NCOA3: variants seen among roughly 807,000 people sequenced by gnomAD.
The protein encoded by NCOA3 is CBP-interacting protein.
In NCOA3, 51 loss-of-function variants were observed where a neutral mutation model predicts 158.8. The ratio of observed to expected loss-of-function variants is 0.32; its 90% CI spans 0.26 to 0.41. The LOEUF (loss-of-function observed/expected upper bound fraction) is 0.41. NCOA3 is among the 10% of genes least tolerant of loss of function. NCOA3 has a pLI of 1.00. For missense variants in NCOA3, 1,510 were observed against 1,746.6 expected (o/e 0.86, Z 2.41); for synonymous variants, 537 against 592.4 (o/e 0.91, Z 1.36).
chr20:47,552,488 C>T lies in NCOA3; in HGVS notation c.-98-30695C>T, dbSNP rs72661201. 5.5e-4 allele frequency among the ~76,000 whole-genome samples: 84 copies of T among 152,194 alleles called. No individual in the cohort carries two copies. In the East Asian group the frequency reaches 0.014, roughly 26 times the overall value. ...TTTTGGTAAACTTAGCTTGAAGTTG[C>T]CAGTTGCTGAAGCCCTTGTCCATAT... On this transcript the variant is annotated intron_variant, in intron 1 of 22. Transcript: ENST00000371998.
intron 1 of NCOA3, among the ~76,000 whole-genome samples, chr20:47,558,504 A>G (rs2085048936): frequency 6.6e-6 from 1 of 152,086 alleles, no homozygotes. Context: ...AGAGGTGAGG[A>G]TTAAAACATG....
At chr20:47,529,592 T>C (rs534599638) in intron 1 of NCOA3, among the ~76,000 whole-genome samples, 7 of 152,158 alleles carry the variant, frequency 4.6e-5, no homozygotes, top group Non-Finnish European at 8.8e-5. Flanking sequence ...TTTGTATTTT[T>C]AGTAGAGGTG....
intron 8 of NCOA3, chr20:47,628,717 T>G (rs1400289189): frequency 6.6e-6 from 1 of 152,074 alleles, no homozygotes; most frequent in African/African-American, 2.4e-5. Context: ...TGGCCGGGAG[T>G]AATTCTTGAC....
Position 47,636,161 on chromosome 20 carries a change from A to G in NCOA3, c.1775A>G (p.His592Arg). 3 of 1,614,224 alleles carry G rather than the reference A, an allele frequency of 1.9e-6. No homozygotes were observed. The highest frequency in any genetic ancestry group is 2.5e-6 in the Non-Finnish European group (3 of 1,180,036). ...SSMCQSNSRD[H>R]LSDKESKESS... ...ATGTGTCAGTCAAATAGCAGAGATC[A>G]CCTCAGTGACAAAGAAAGTAAGGAG... The change falls in exon 12 of 23, where the codon CAC (histidine) becomes CGC (arginine). Residue 592 changes from histidine to arginine, a missense_variant. Physicochemically the swap from His to Arg is conservative, Grantham distance 29. This residue lies in a region of NCOA3 where 1,017 missense variants were observed against 1,098.3 expected (regional missense o/e 0.93). Transcript: ENST00000371998.
chr20:47,530,673 C>G (rs2084530946), intron 1 of NCOA3, among the ~76,000 whole-genome samples: 1 of 152,086 alleles, frequency 6.6e-6, no homozygotes, highest in Non-Finnish European at 1.5e-5. Context: ...CCATGTTGGT[C>G]AGGCTGGTCT....
At chr20:47,633,762 C>T (rs999872959) in intron 9 of NCOA3, 126 bp downstream of exon 9, 1 of 1,083,942 alleles carries the variant, frequency 9.2e-7, no homozygotes, top group Admixed American at 2.6e-5. Flanking sequence ...TTCTGAGTAG[C>T]CAAGACTGCA....
chr20:47,597,883 C>T (rs903007338), intron 2 of NCOA3, among the ~76,000 whole-genome samples: 4 of 151,916 alleles, frequency 2.6e-5, no homozygotes, highest in African/African-American at 7.3e-5. Context: ...CATTAGAGCC[C>T]GTTAACATAT....
intron 1 of NCOA3, among the ~76,000 whole-genome samples, chr20:47,544,105 C>T (rs73125812): frequency 0.035 from 5,288 of 152,144 alleles, 137 homozygotes; most frequent in South Asian, 0.091. Flanking sequence ...AAAACTAAGG[C>T]TAACACTGGT....
At chr20:47,602,918 G>A (rs1568717820) in intron 2 of NCOA3, among the ~76,000 whole-genome samples, 1 of 151,640 alleles carries the variant, frequency 6.6e-6, no homozygotes, top group African/African-American at 2.4e-5. Flanking sequence ...ATAGTGAAGG[G>A]TTTTTTTTAG....
chr20:47,534,564 T>G (rs531929222), intron 1 of NCOA3, among the ~76,000 whole-genome samples: 1 of 152,282 alleles, frequency 6.6e-6, no homozygotes, highest in South Asian at 2.1e-4. Flanking sequence ...AAGAATAAGA[T>G]ATGAAAAAAC....
At chr20:47,546,039 CCT>C (rs996320582) in intron 1 of NCOA3, among the ~76,000 whole-genome samples, 2 of 152,124 alleles carry the variant, frequency 1.3e-5, no homozygotes, top group Non-Finnish European at 2.9e-5. Flanking sequence ...GTGAGATAAA[CCT>C]CTCTTTTGTT....
intron 1 of NCOA3, among the ~76,000 whole-genome samples, chr20:47,519,002 G>T (rs781591731): frequency 4.0e-5 from 6 of 151,790 alleles, no homozygotes; most frequent in Non-Finnish European, 8.8e-5. Context: ...TGGGCGTGGT[G>T]ACGGGCACCT....
intron 12 of NCOA3, 88 bp from the exon 13 acceptor site, chr20:47,637,560 A>G (rs549174936): frequency 2.9e-4 from 317 of 1,108,014 alleles, no homozygotes; most frequent in Non-Finnish European, 3.6e-4. Flanking sequence ...ACTTGCTTCT[A>G]TTTCATGTAT....
chr20:47,525,682 T>C (rs1602345828), intron 1 of NCOA3, among the ~76,000 whole-genome samples: 1 of 116,694 alleles, frequency 8.6e-6, no homozygotes, highest in Admixed American at 8.3e-5. Context: ...CCCACCTCCC[T>C]CCCGGACGGG....
At chr20:47,503,596 A>G (rs2146035341) in intron 1 of NCOA3, among the ~76,000 whole-genome samples, 1 of 152,314 alleles carries the variant, frequency 6.6e-6, no homozygotes, top group South Asian at 2.1e-4. Flanking sequence ...AACAGAAGAA[A>G]CAGAAAATGT....
chr20:47,642,265 G>C lies in NCOA3; in HGVS notation c.3133G>C (p.Glu1045Gln), dbSNP rs1481522115. The change falls in exon 17 of 23, where the codon GAA becomes CAA. Residue 1045 changes from glutamate to glutamine, a missense_variant. Physicochemically the swap from Glu to Gln is conservative, Grantham distance 29. This residue lies in a region of NCOA3 where 1,017 missense variants were observed against 1,098.3 expected (regional missense o/e 0.93). Coordinates refer to ENST00000371998, the MANE Select transcript of NCOA3 (RefSeq NM_181659.3). ...DDLVGPPSNL[E>Q]GQSDERALLD... The stretch of plus-strand genomic sequence containing the variant: ...TCTTGTTGGGCCACCTTCCAACCTG[G>C]AAGGCCAGAGTGACGAAAGAGCATT... 2.5e-6 allele frequency: 4 copies of C among 1,610,798 alleles called. No homozygotes were observed. Among genetic ancestry groups the C allele is most frequent in the African/African-American group, 1.3e-5 (1 of 74,680 alleles).
At chr20:47,557,256 C>T (rs542024442) in intron 1 of NCOA3, among the ~76,000 whole-genome samples, 2 of 152,256 alleles carry the variant, frequency 1.3e-5, no homozygotes, top group Non-Finnish European at 2.9e-5. Flanking sequence ...AACAGTAACA[C>T]CTACTTTTTT....
intron 1 of NCOA3, among the ~76,000 whole-genome samples, chr20:47,576,484 C>CA (rs2085373923): frequency 6.6e-6 from 1 of 152,104 alleles, no homozygotes; most frequent in South Asian, 2.1e-4. Context: ...TAAAGAAACT[C>CA]AGATTTCAAG....
intron 3 of NCOA3, among the ~76,000 whole-genome samples, chr20:47,622,792 G>A (rs1037002633): frequency 3.3e-5 from 5 of 152,142 alleles, no homozygotes; most frequent in Non-Finnish European, 7.3e-5. Context: ...TGCGGGCGGG[G>A]TTAGATCTCA....
Sources: allele counts gnomAD v4.1 joint callset (sites outside exome capture counted in the v4.1 genomes callset), GRCh38; gene constraint gnomAD v4.1.1; regional missense constraint gnomAD v4.1.1; transcripts MANE v1.5; gene names NCBI Gene and HGNC (gene_info 2026-07-23, HGNC 2026-07-21).